OIT3: variants seen among roughly 807,000 people sequenced by gnomAD.
The protein encoded by OIT3 is oncoprotein-induced transcript 3 protein.
Under a neutral mutation model 52.2 loss-of-function variants are expected in OIT3, and 41 were observed. That is an observed-to-expected ratio of 0.79 (90% CI 0.61 to 1.02). OIT3 has a LOEUF of 1.02. OIT3 is among the 50% of genes least tolerant of loss of function. The pLI is 0.00. For synonymous variants in OIT3, 244 were observed against 276.9 expected (o/e 0.88, Z 1.18); for missense variants, 634 against 715.5 (o/e 0.89, Z 1.30).
At chr10:72,926,686 G>A (rs1043223991) in intron 7 of OIT3, among the ~76,000 whole-genome samples, 13 of 152,280 alleles carry the variant, frequency 8.5e-5, no homozygotes, top group African/African-American at 2.4e-4. Flanking sequence ...TGGACGGCCC[G>A]TAGCAAAGGG....
At chr10:72,929,959 T>C (rs1420372392) in intron 7 of OIT3, among the ~76,000 whole-genome samples, 1 of 152,176 alleles carries the variant, frequency 6.6e-6, no homozygotes, top group Non-Finnish European at 1.5e-5. Flanking sequence ...ACATTAAATT[T>C]GGGAAAAGAG....
At chr10:72,917,545 A>G in intron 6 of OIT3, 3 of 659,204 alleles carry the variant, frequency 4.6e-6, no homozygotes, top group Middle Eastern at 4.1e-4. Context: ...GAAAGTTCTC[A>G]CTCTGCATTA....
chr10:72,917,702 C>A (rs1476771762), intron 6 of OIT3: 1 of 964,436 alleles, frequency 1.0e-6, no homozygotes, highest in Non-Finnish European at 1.7e-6. Context: ...GGAAGCAATT[C>A]TTCACATAAC....
Position 72,924,334 on chromosome 10 carries a change from C to G in OIT3, c.1057C>G (p.Pro353Ala), listed in dbSNP as rs1306443054. ...FIIRTSKLLI[P>A]VTCEFPRLYT... ...CATCCGAACCAGCAAGCTGCTGATC[C>G]CGGTGACCTGCGAGTTTCCACGCCT... is the stretch of plus-strand genomic sequence containing the variant. Residue 353 changes from proline to alanine, a missense_variant, in exon 7 of 9, where the codon CCG becomes GCG. By Grantham distance (27) the Pro-to-Ala change is conservative. Transcript: ENST00000334011. The G allele has an allele frequency of 6.2e-7, 1 of 1,613,996 alleles. No individual in the cohort carries two copies. Among genetic ancestry groups the G allele is most frequent in the Non-Finnish European group, 8.5e-7 (1 of 1,180,036 alleles).
At chr10:72,925,609 GT>G (rs1846163348) in intron 7 of OIT3, among the ~76,000 whole-genome samples, 1 of 152,150 alleles carries the variant, frequency 6.6e-6, no homozygotes, top group Non-Finnish European at 1.5e-5. Context: ...TTTGTGCTTA[GT>G]TTTTTTCAGG....
At chr10:72,924,044 T>C (rs897078643) in intron 6 of OIT3, among the ~76,000 whole-genome samples, 185 bp from the exon 7 acceptor site, 3 of 132,500 alleles carry the variant, frequency 2.3e-5, no homozygotes, top group African/African-American at 1.3e-4. Flanking sequence ...CTCTTAACAG[T>C]CAGGATGGCT....
At chr10:72,903,632 T>C (rs1845952071) in intron 3 of OIT3, among the ~76,000 whole-genome samples, 1 of 152,218 alleles carries the variant, frequency 6.6e-6, no homozygotes, top group Admixed American at 6.5e-5. Context: ...TGTTTTGAAA[T>C]TAACATGTGT....
rs1659834377 is a variant in OIT3, at chr10:72,932,390, G to A, written c.1504G>A (p.Val502Met). 6.2e-7 allele frequency: 1 copy of A among 1,614,224 alleles called. No individual in the cohort carries two copies. The highest frequency in any genetic ancestry group is 8.5e-7 in the Non-Finnish European group (1 of 1,180,044). The change falls in exon 9 of 9, where the codon GTG becomes ATG. Residue 502 changes from valine to methionine, a missense_variant. Physicochemically the swap from Val to Met is conservative, Grantham distance 21. Coordinates refer to ENST00000334011, the MANE Select transcript of OIT3 (RefSeq NM_152635.3). Reference protein sequence around the residue: ...FLHCRVLVCGVLDERSRCAQG... With the variant: ...FLHCRVLVCGMLDERSRCAQG... ...GCACTGCCGGGTTCTTGTCTGTGGA[G>A]TGTTGGACGAGCGTTCCCGCTGTGC...
chr10:72,911,710 A>G lies in OIT3; in HGVS notation c.668-7A>G, dbSNP rs748685054. On this transcript the variant is annotated splice_polypyrimidine_tract_variant and splice_region_variant and intron_variant, in intron 4 of 8. Transcript: ENST00000334011. ...ATTATTCCCTTTTCTGTTGGTTTCTACTGCAGACGTTGAAGGATGCCACAA... is the reference window on the plus strand; with the variant it reads ...ATTATTCCCTTTTCTGTTGGTTTCTGCTGCAGACGTTGAAGGATGCCACAA... The G allele has an allele frequency of 3.2e-5, 52 of 1,612,058 alleles. No homozygotes were observed. Among genetic ancestry groups the G allele is most frequent in the Admixed American group, 1.7e-4 (10 of 59,700 alleles).
At chr10:72,898,560 G>A (rs1845897237) in intron 1 of OIT3, 104 bp from the exon 2 acceptor site, 3 of 1,096,146 alleles carry the variant, frequency 2.7e-6, no homozygotes, top group Non-Finnish European at 3.9e-6. Flanking sequence ...TTTCTCTCTG[G>A]AATTCAAAAA....
chr10:72,899,703 T>TAGATA (rs558444628), intron 2 of OIT3, among the ~76,000 whole-genome samples: 1 of 144,860 alleles, frequency 6.9e-6, no homozygotes, highest in African/African-American at 2.6e-5. Flanking sequence ...GATAGATAGA[T>TAGATA]GATAGATAGA....
At chr10:72,931,544 T>C (rs1257870226) in intron 8 of OIT3, among the ~76,000 whole-genome samples, 1 of 152,122 alleles carries the variant, frequency 6.6e-6, no homozygotes, top group East Asian at 1.9e-4. Context: ...TGGAAGTGTT[T>C]GTAGAGCATT....
At chr10:72,898,618 G>C (rs1327973723) in intron 1 of OIT3, 46 bp from the exon 2 acceptor site, 3 of 1,540,932 alleles carry the variant, frequency 1.9e-6, no homozygotes, top group Non-Finnish European at 2.6e-6. Flanking sequence ...TTGGTGGTGT[G>C]ATCCGAAACA....
At chr10:72,912,509 G>A (rs754028645) in intron 5 of OIT3, among the ~76,000 whole-genome samples, 23 of 151,990 alleles carry the variant, frequency 1.5e-4, no homozygotes, top group Admixed American at 2.0e-4. Context: ...GACCTCAAGT[G>A]AGCCGCCCTC....
At chr10:72,903,314 C>T (rs1480009894) in intron 3 of OIT3, among the ~76,000 whole-genome samples, 2 of 152,098 alleles carry the variant, frequency 1.3e-5, no homozygotes, top group African/African-American at 2.4e-5. Context: ...CAACCTCCAC[C>T]TCCCAGGTTC....
At chr10:72,893,889 T>C (rs758636062) in intron 1 of OIT3, 30 bp downstream of exon 1, 1 of 1,573,368 alleles carries the variant, frequency 6.4e-7, no homozygotes, top group East Asian at 2.3e-5. Flanking sequence ...CTTGGCACAA[T>C]GCACTTTTTG....
Position 72,911,700 on chromosome 10 carries a change from G to T in OIT3, c.668-17G>T, listed in dbSNP as rs762909889. On this transcript the variant is annotated splice_polypyrimidine_tract_variant and intron_variant, in intron 4 of 8. Transcript: ENST00000334011. ...GGGTTACGAGATTATTCCCTTTTCT[G>T]TTGGTTTCTACTGCAGACGTTGAAG... The T allele has an allele frequency of 6.2e-7, 1 of 1,610,160 alleles. No homozygotes were observed. Among genetic ancestry groups the T allele is most frequent in the South Asian group, 1.1e-5 (1 of 90,540 alleles).
chr10:72,909,291 T>C (rs953515032), intron 4 of OIT3, among the ~76,000 whole-genome samples: 1 of 151,912 alleles, frequency 6.6e-6, no homozygotes, highest in Non-Finnish European at 1.5e-5. Flanking sequence ...AAGCTAGTTT[T>C]TGTATTTTTA....
chr10:72,897,508 T>C (rs906111691), intron 1 of OIT3, among the ~76,000 whole-genome samples: 1 of 152,212 alleles, frequency 6.6e-6, no homozygotes, highest in Non-Finnish European at 1.5e-5. Context: ...GCTGGTAAAA[T>C]ATATACCAAA....
Sources: gnomAD v4.1 joint callset for allele counts (sites outside exome capture counted in the v4.1 genomes callset) on GRCh38, gnomAD v4.1.1 for gene constraint, MANE v1.5 for transcripts, NCBI Gene and HGNC (gene_info 2026-07-23, HGNC 2026-07-21) for gene names.